Variants in RNF170 observed in about 807,000 individuals in gnomAD.
RNF170 encodes the protein E3 ubiquitin-protein ligase RNF170.
In RNF170, 12 loss-of-function variants were observed where a neutral mutation model predicts 32.7. The observed-to-expected ratio is 0.37, with a 90% CI of 0.24 to 0.60. The LOEUF (loss-of-function observed/expected upper bound fraction) is 0.60. Ranked by LOEUF, RNF170 falls within the 20% of genes least tolerant of loss-of-function variation. RNF170 has a pLI of 0.72. For synonymous variants in RNF170, 91 were observed against 103.6 expected, an observed-to-expected ratio of 0.88 and a Z score of 0.74; for missense variants, 212 against 311.2, an observed-to-expected ratio of 0.68 and a Z score of 2.40.
intron 1 of RNF170, among the ~76,000 whole-genome samples, chr8:42,890,370 C>T (rs182547211): frequency 9.8e-4 from 149 of 151,654 alleles, no homozygotes; most frequent in African/African-American, 3.3e-3. Context: ...CTCTGCCTCC[C>T]GGGTTCTCGT....
intron 3 of RNF170, among the ~76,000 whole-genome samples, chr8:42,871,572 C>T (rs1804525046): frequency 6.6e-6 from 1 of 151,822 alleles, no homozygotes; most frequent in Admixed American, 6.6e-5. Context: ...GTTCCCTTCT[C>T]TACTTTTTTT....
chr8:42,850,681 G>A, downstream of RNF170: 8 of 1,245,772 alleles, frequency 6.4e-6, no homozygotes, highest in South Asian at 2.7e-5. Flanking sequence ...GTGCTGAGAT[G>A]TCTGAATGCC....
chr8:42,870,493 G>A (rs1241732954), intron 3 of RNF170, among the ~76,000 whole-genome samples: 3 of 152,154 alleles, frequency 2.0e-5, no homozygotes, highest in Non-Finnish European at 4.4e-5. Context: ...TTGGGAGGCC[G>A]AGGCAAGTGG....
intron 1 of RNF170, among the ~76,000 whole-genome samples, chr8:42,894,829 C>T (rs1011955916): frequency 1.3e-5 from 2 of 152,150 alleles, no homozygotes; most frequent in African/African-American, 4.8e-5. Flanking sequence ...GCTGGGATTA[C>T]AGGCGCGAGA....
chr8:42,873,880 A>G (rs2128937820), intron 3 of RNF170, 51 bp downstream of exon 3: 1 of 992,040 alleles, frequency 1.0e-6, no homozygotes, highest in East Asian at 2.4e-5. Flanking sequence ...ACAATTTCAC[A>G]TGCAAAGGGA....
intron 1 of RNF170, among the ~76,000 whole-genome samples, chr8:42,889,654 A>G (rs952409611): frequency 5.9e-5 from 9 of 152,218 alleles, no homozygotes; most frequent in South Asian, 2.1e-4. Flanking sequence ...TCAGCTTTAC[A>G]CGGACTAATC....
chr8:42,876,497 CACA>C (rs1258667421), intron 2 of RNF170, among the ~76,000 whole-genome samples: 7 of 151,988 alleles, frequency 4.6e-5, no homozygotes, highest in Non-Finnish European at 1.0e-4. Context: ...CATGTAAAGA[CACA>C]ACAAGAAAAC....
chr8:42,868,309 A>G lies in RNF170; in HGVS notation c.322+1695T>C, dbSNP rs115497046. On this transcript the variant is annotated intron_variant, in intron 4 of 6. Transcript: ENST00000527424. ...TAATAATTCTATACTATGAAGTTAG[A>G]CAAAAGGGCCAACACAATTTACAGG... Among the ~76,000 whole-genome samples, 554 of 152,314 alleles carry G rather than the reference A, an allele frequency of 3.6e-3. 3 individuals are homozygous for G. Among genetic ancestry groups the G allele is most frequent in the African/African-American group, 0.013 (528 of 41,570 alleles).
downstream of RNF170, chr8:42,850,921 G>C (rs369090936): frequency 2.6e-6 from 4 of 1,551,580 alleles, no homozygotes; most frequent in African/African-American, 2.7e-5. Context: ...ACAGGCAGGA[G>C]AGTTCTGTGT....
intron 5 of RNF170, among the ~76,000 whole-genome samples, chr8:42,863,011 AAT>A (rs1161139322): frequency 7.9e-5 from 12 of 152,160 alleles, no homozygotes; most frequent in Non-Finnish European, 1.6e-4. Context: ...CAAACCTGGA[AAT>A]GGTGGTAGGA....
chr8:42,849,875 C>G (rs529975836), downstream of RNF170: 77 of 152,356 alleles, frequency 5.1e-4, no homozygotes, highest in African/African-American at 1.8e-3. Context: ...AAGGAGATTT[C>G]TGCCCTCAGG....
intron 6 of RNF170, among the ~76,000 whole-genome samples, chr8:42,859,196 ACAAGAGCAT>A (rs1803474237): frequency 1.3e-5 from 2 of 152,160 alleles, no homozygotes; most frequent in Non-Finnish European, 2.9e-5. Flanking sequence ...GTTTTCAAAC[ACAAGAGCAT>A]CATGGTCTCA....
downstream of RNF170, chr8:42,853,266 A>C: frequency 9.4e-7 from 1 of 1,068,858 alleles, no homozygotes; most frequent in Non-Finnish European, 1.2e-6. Flanking sequence ...AAAGCAAACA[A>C]CTGTTAAATA....
chr8:42,893,424 G>GT (rs1054316434), intron 1 of RNF170, among the ~76,000 whole-genome samples: 11 of 152,194 alleles, frequency 7.2e-5, no homozygotes, highest in Admixed American at 2.6e-4. Context: ...TTATTGAGCA[G>GT]TATCTTCAGA....
At chr8:42,872,681 T>G (rs955416546) in intron 3 of RNF170, among the ~76,000 whole-genome samples, 1 of 152,078 alleles carries the variant, frequency 6.6e-6, no homozygotes, top group Non-Finnish European at 1.5e-5. Context: ...GACCTCGTGA[T>G]CTGCTTGCCT....
At chr8:42,879,298 G>C (rs1046004956) in intron 2 of RNF170, among the ~76,000 whole-genome samples, 9 of 152,250 alleles carry the variant, frequency 5.9e-5, no homozygotes, top group Middle Eastern at 3.4e-3. Flanking sequence ...TCCTCTGATG[G>C]ATCTGGGGAA....
chr8:42,892,449 G>A (rs1211228375), intron 1 of RNF170, among the ~76,000 whole-genome samples: 1 of 152,126 alleles, frequency 6.6e-6, no homozygotes, highest in Non-Finnish European at 1.5e-5. Context: ...ATAGGCGTGA[G>A]GTAGCACGCC....
rs879900479 is a variant in RNF170 at position 42,871,575 on chromosome 8, C to CT, written c.214-1464dup. On this transcript the variant is annotated intron_variant, in intron 3 of 6. Transcript: ENST00000527424. ...ACAGCACTTTATGTTCCCTTCTCTA[C>CT]TTTTTTTTTTTTTTGAGACAGAGTC... 3.0e-3 allele frequency among the ~76,000 whole-genome samples: 436 copies of CT among 145,486 alleles called. 4 individuals carry two copies. Among genetic ancestry groups the CT allele is most frequent in the African/African-American group, 5.8e-3 (232 of 39,998 alleles).
At chr8:42,850,548 G>A, downstream of RNF170, 1 of 553,694 alleles carries the variant, frequency 1.8e-6, no homozygotes, top group Non-Finnish European at 3.3e-6. Context: ...CTACTGTGGT[G>A]GCAGGCATAA....
Sources: gnomAD v4.1 joint callset for allele counts (sites outside exome capture counted in the v4.1 genomes callset) on GRCh38, gnomAD v4.1.1 for gene constraint, MANE v1.5 for transcripts, NCBI Gene and HGNC (gene_info 2026-07-23, HGNC 2026-07-21) for gene names.